FA2H: variants seen among roughly 807,000 people sequenced by gnomAD.
The protein encoded by FA2H is fatty acid alpha-hydroxylase.
FA2H carries 22 observed loss-of-function variants against 44.9 expected under a neutral mutation model. That is an observed-to-expected ratio of 0.49 (90% CI 0.35 to 0.70). The LOEUF is 0.70. FA2H is among the 30% of genes least tolerant of loss of function. The pLI, the probability that FA2H is intolerant of heterozygous loss-of-function variation, is 0.01. For missense variants in FA2H, 501 were observed against 504.9 expected, an observed-to-expected ratio of 0.99 and a Z score of 0.07; for synonymous variants, 243 against 213.2, an observed-to-expected ratio of 1.14 and a Z score of -1.22.
At chr16:74,718,939 C>G in intron 5 of FA2H, 49 bp downstream of exon 5, 3 of 1,605,698 alleles carry the variant, frequency 1.9e-6, no homozygotes, top group South Asian at 1.1e-5. Context: ...CTGCCGGGCC[C>G]TCTCGGGCTG....
chr16:74,758,421 G>A (rs1362400910), intron 1 of FA2H, among the ~76,000 whole-genome samples: 3 of 151,860 alleles, frequency 2.0e-5, no homozygotes, highest in African/African-American at 4.8e-5. Flanking sequence ...TGCCCGGCTG[G>A]AAACAATTCT....
chr16:74,723,627 G>T (rs1961886167), intron 4 of FA2H, among the ~76,000 whole-genome samples: 1 of 152,154 alleles, frequency 6.6e-6, no homozygotes, highest in African/African-American at 2.4e-5. Context: ...CCTCTCCCAT[G>T]GAGTCTTAGC....
At chr16:74,752,191 C>T (rs1962538181) in intron 1 of FA2H, among the ~76,000 whole-genome samples, 4 of 152,184 alleles carry the variant, frequency 2.6e-5, no homozygotes, top group Admixed American at 2.6e-4. Context: ...GCAATGGCCT[C>T]TTAACTCTCT....
At chr16:74,734,229 G>A (rs1252787081) in intron 2 of FA2H, among the ~76,000 whole-genome samples, 3 of 152,200 alleles carry the variant, frequency 2.0e-5, no homozygotes, top group African/African-American at 7.2e-5. Flanking sequence ...GGCATCTGGG[G>A]GCTCCCACGG....
Position 74,774,772 on chromosome 16 carries a change from T to TCCCAGCGCGCAGCC in FA2H, c.-31_-18dup. 7.8e-7 allele frequency: 1 copy of TCCCAGCGCGCAGCC among 1,282,616 alleles called. No homozygotes were observed. The highest frequency in any genetic ancestry group is 9.8e-7 in the Non-Finnish European group (1 of 1,020,876). 79.5% of individuals were successfully genotyped at this position (1,282,616 alleles called of 1,614,324 possible). On this transcript the variant is annotated 5_prime_UTR_variant, in exon 1 of 7. Transcript: ENST00000219368. Reference sequence around the variant, plus strand: ...GGGGGCCATGGCCGGAGACCGCAGCTCCCAGCGCGCAGCCCGGCGTCTGCT... The same window carrying TCCCAGCGCGCAGCC: ...GGGGGCCATGGCCGGAGACCGCAGCTCCCAGCGCGCAGCCCCCAGCGCGCAGCCCGGCGTCTGCT...
intron 1 of FA2H, among the ~76,000 whole-genome samples, chr16:74,745,799 ATTTTTT>A (rs11365398): frequency 1.4e-5 from 1 of 72,428 alleles, no homozygotes; most frequent in African/African-American, 5.0e-5. Context: ...CTGTCAATGG[ATTTTTT>A]TTTTTTTTTT....
At chr16:74,747,334 G>A (rs140290335) in intron 1 of FA2H, among the ~76,000 whole-genome samples, 61 of 538 alleles carry the variant, frequency 0.11, 2 homozygotes, top group South Asian at 0.47. Context: ...AAATAAATAA[G>A]AAAGAAAGAA....
intron 4 of FA2H, among the ~76,000 whole-genome samples, chr16:74,725,270 T>G (rs1251316600): frequency 1.3e-5 from 2 of 152,170 alleles, no homozygotes; most frequent in African/African-American, 4.8e-5. Context: ...ATTCAGGCAC[T>G]TGACTTGCAG....
intron 1 of FA2H, among the ~76,000 whole-genome samples, chr16:74,760,906 G>C (rs1962694860): frequency 6.6e-6 from 1 of 152,150 alleles, no homozygotes; most frequent in African/African-American, 2.4e-5. Context: ...CTGAAATACA[G>C]GTTCCTACAT....
intron 1 of FA2H, among the ~76,000 whole-genome samples, chr16:74,756,028 C>T (rs748392996): frequency 6.6e-6 from 1 of 152,160 alleles, no homozygotes; most frequent in East Asian, 1.9e-4. Flanking sequence ...ATGAAAGGAA[C>T]GAGGAGGAGA....
chr16:74,770,453 A>G (rs1474662636), intron 1 of FA2H, among the ~76,000 whole-genome samples: 1 of 152,166 alleles, frequency 6.6e-6, no homozygotes, highest in Admixed American at 6.6e-5. Context: ...GATCTGGCTC[A>G]CTGCAACTTC....
intron 4 of FA2H, among the ~76,000 whole-genome samples, chr16:74,721,391 C>T (rs1961835939): frequency 6.6e-6 from 1 of 152,182 alleles, no homozygotes; most frequent in South Asian, 2.1e-4. Flanking sequence ...TGGTCTTGAG[C>T]TCCTGACCTC....
chr16:74,762,854 C>T (rs1286848555), intron 1 of FA2H, among the ~76,000 whole-genome samples: 4 of 152,144 alleles, frequency 2.6e-5, no homozygotes, highest in Non-Finnish European at 5.9e-5. Context: ...AAAAAAGTGG[C>T]CTTTTATTAG....
At position 74,727,104 on chromosome 16, in the gene FA2H, G is replaced by T. The variant is rs540529031; in HGVS notation, c.506+140C>A. ...TGCATAGGGATGAATTATTCCCATG[G>T]CATGTTCCTCCCTCCCTGACAGCTT... is the stretch of plus-strand genomic sequence containing the variant. On this transcript the variant is annotated intron_variant, in intron 3 of 6. Coordinates refer to ENST00000219368, the MANE Select transcript of FA2H (RefSeq NM_024306.5). 4 of 1,168,244 alleles carry T rather than the reference G, an allele frequency of 3.4e-6. No individual in the cohort carries two copies. In the African/African-American group the frequency reaches 4.5e-5, roughly 13 times the overall value. The allele number at this position is 1,168,244 out of a possible 1,614,324, so 72.4% of individuals were successfully genotyped here. A position where few individuals can be genotyped will look rare whatever the true frequency, so the allele number is the denominator to read the frequency against.
intron 2 of FA2H, among the ~76,000 whole-genome samples, chr16:74,738,201 AGAGT>A (rs2144631567): frequency 6.6e-6 from 1 of 152,192 alleles, no homozygotes; most frequent in East Asian, 1.9e-4. Context: ...AAGGGGAGGA[AGAGT>A]GAGTGTGTAG....
At chr16:74,763,327 C>T (rs1962746507) in intron 1 of FA2H, among the ~76,000 whole-genome samples, 1 of 151,920 alleles carries the variant, frequency 6.6e-6, no homozygotes, top group Non-Finnish European at 1.5e-5. Context: ...GCGTGATTTC[C>T]ATTCACTGCA....
intron 3 of FA2H, 106 bp downstream of exon 3, chr16:74,727,138 A>G (rs1444193183): frequency 2.1e-6 from 3 of 1,445,092 alleles, no homozygotes; most frequent in South Asian, 1.2e-5. Flanking sequence ...TTTACAGCAT[A>G]GACCTGGGCT....
intron 4 of FA2H, among the ~76,000 whole-genome samples, chr16:74,719,648 C>G (rs1961785480): frequency 6.6e-6 from 1 of 152,124 alleles, no homozygotes; most frequent in South Asian, 2.1e-4. Flanking sequence ...AGCGATCCTT[C>G]CACCTCAGCT....
intron 5 of FA2H, among the ~76,000 whole-genome samples, chr16:74,717,666 C>T (rs566562243): frequency 4.6e-5 from 7 of 152,310 alleles, no homozygotes; most frequent in African/African-American, 1.7e-4. Context: ...GAACACGTTC[C>T]TGATTGGAGC....
Sources: allele counts gnomAD v4.1 joint callset (sites outside exome capture counted in the v4.1 genomes callset), GRCh38; gene constraint gnomAD v4.1.1; transcripts MANE v1.5; gene names NCBI Gene and HGNC (gene_info 2026-07-23, HGNC 2026-07-21).